The following KIAA1328 variants were observed in gnomAD, a reference collection of about 807,000 sequenced individuals.
KIAA1328 encodes protein hinderin.
In KIAA1328, 52 loss-of-function variants were observed where a neutral mutation model predicts 68.1. The ratio of observed to expected loss-of-function variants is 0.76; its 90% CI spans 0.61 to 0.96. The LOEUF (loss-of-function observed/expected upper bound fraction) is 0.96, where lower values mean the gene tolerates loss of function less well. Among genes scored for constraint, KIAA1328 ranks in the 40% least tolerant of loss-of-function variants. KIAA1328 has a pLI of 0.00. For missense variants in KIAA1328, 641 were observed against 677.6 expected (o/e 0.95, Z 0.60); for synonymous variants, 232 against 239.4 (o/e 0.97, Z 0.28).
intron 5 of KIAA1328, among the ~76,000 whole-genome samples, chr18:36,907,039 C>T (rs892193902): frequency 2.0e-5 from 3 of 152,052 alleles, no homozygotes; most frequent in Non-Finnish European, 4.4e-5. Context: ...CGTCTGTTGT[C>T]ATATTTTATC....
chr18:36,873,778 T>G (rs2048026303), intron 4 of KIAA1328, among the ~76,000 whole-genome samples: 1 of 152,208 alleles, frequency 6.6e-6, no homozygotes, highest in Non-Finnish European at 1.5e-5. Flanking sequence ...CGTGGTGGTT[T>G]GCTGCACCCA....
intron 9 of KIAA1328, among the ~76,000 whole-genome samples, chr18:37,179,125 A>G (rs573758930): frequency 2.5e-4 from 38 of 152,302 alleles, no homozygotes; most frequent in African/African-American, 8.7e-4. Flanking sequence ...TTGAGGCTAT[A>G]TCCAGGAAAG....
intron 6 of KIAA1328, 28 bp downstream of exon 6, chr18:36,959,463 GT>G (rs1568217194): frequency 1.9e-6 from 3 of 1,594,906 alleles, no homozygotes; most frequent in Non-Finnish European, 2.6e-6. Context: ...TACTTTTCTT[GT>G]CTTCAGTGGA....
At chr18:36,904,746 G>A (rs1349589232) in intron 5 of KIAA1328, among the ~76,000 whole-genome samples, 2 of 151,942 alleles carry the variant, frequency 1.3e-5, no homozygotes, top group Non-Finnish European at 2.9e-5. Flanking sequence ...TTAGGTTTGA[G>A]TTTGTTTTAG....
At chr18:36,865,389 T>A (rs1312033004) in intron 4 of KIAA1328, among the ~76,000 whole-genome samples, 1 of 152,204 alleles carries the variant, frequency 6.6e-6, no homozygotes, top group Non-Finnish European at 1.5e-5. Context: ...TACTGATTTC[T>A]AGCTTAGTTC....
intron 7 of KIAA1328, among the ~76,000 whole-genome samples, chr18:37,148,465 A>G (rs1599428887): frequency 6.6e-6 from 1 of 152,142 alleles, no homozygotes; most frequent in South Asian, 2.1e-4. Context: ...TTGTAATTCA[A>G]TGATTTGTAT....
chr18:36,969,398 A>G (rs556478434), intron 6 of KIAA1328, among the ~76,000 whole-genome samples: 1 of 152,276 alleles, frequency 6.6e-6, no homozygotes, highest in South Asian at 2.1e-4. Context: ...TAGGCAGACT[A>G]ATAAAGAAGA....
chr18:37,119,067 C>A (rs1599339558), intron 7 of KIAA1328, among the ~76,000 whole-genome samples: 1 of 152,128 alleles, frequency 6.6e-6, no homozygotes, highest in African/African-American at 2.4e-5. Flanking sequence ...TCTTTGAAGG[C>A]AGTTTCTTGA....
intron 5 of KIAA1328, among the ~76,000 whole-genome samples, chr18:36,893,459 G>GTT (rs1327245473): frequency 2.2e-4 from 29 of 133,124 alleles, no homozygotes; most frequent in Non-Finnish European, 3.7e-4. Flanking sequence ...GTGTGTGTGT[G>GTT]TGTTTTTGTG....
At chr18:37,213,633 A>G (rs2060363225) in intron 9 of KIAA1328, among the ~76,000 whole-genome samples, 1 of 152,146 alleles carries the variant, frequency 6.6e-6, no homozygotes, top group South Asian at 2.1e-4. Flanking sequence ...CTTTATAGTA[A>G]CATGATTTAT....
At chr18:37,027,757 TAA>T (rs1017696626) in intron 6 of KIAA1328, among the ~76,000 whole-genome samples, 26 of 152,134 alleles carry the variant, frequency 1.7e-4, no homozygotes, top group African/African-American at 5.8e-4. Context: ...CCTAAAACCA[TAA>T]AAACCCTAGA....
rs776886559 is a variant in KIAA1328 at position 36,885,660 on chromosome 18, A to G, written c.436A>G (p.Lys146Glu). The G allele has an allele frequency of 1.3e-6, 2 of 1,573,040 alleles. No individual in the cohort carries two copies. Among genetic ancestry groups the G allele is most frequent in the East Asian group, 4.6e-5 (2 of 43,808 alleles). Residue 146 changes from lysine (K) to glutamate (E), a missense_variant, in exon 5 of 10, where the codon AAA (lysine) becomes GAA (glutamate). Coordinates refer to ENST00000280020, the MANE Select transcript of KIAA1328 (RefSeq NM_020776.3). ...QLEEQNELII[K>E]EREALQLQYR... is the part of the protein sequence containing the mutation. ...GGAAGAACAGAATGAACTGATCATC[A>G]AAGAAAGGGAAGATATCCTTTTGAA...
chr18:36,963,337 T>C (rs1414885520), intron 6 of KIAA1328, among the ~76,000 whole-genome samples: 2 of 152,098 alleles, frequency 1.3e-5, no homozygotes, highest in Non-Finnish European at 2.9e-5. Context: ...CTGCATGACA[T>C]AGATGTGTGA....
At chr18:37,011,491 C>G (rs1411859350) in intron 6 of KIAA1328, among the ~76,000 whole-genome samples, 2 of 152,146 alleles carry the variant, frequency 1.3e-5, no homozygotes, top group Non-Finnish European at 2.9e-5. Flanking sequence ...TCATCCTAAT[C>G]CAAGTCTACT....
chr18:36,876,083 G>T (rs1262527674), intron 4 of KIAA1328, among the ~76,000 whole-genome samples: 1 of 152,074 alleles, frequency 6.6e-6, no homozygotes, highest in Non-Finnish European at 1.5e-5. Flanking sequence ...TTTTACTGAG[G>T]ATTTTCCCAT....
intron 6 of KIAA1328, among the ~76,000 whole-genome samples, chr18:37,022,093 A>G (rs1419282419): frequency 6.6e-6 from 1 of 151,408 alleles, no homozygotes; most frequent in Non-Finnish European, 1.5e-5. Flanking sequence ...TAAAACAAAC[A>G]AATTGAGGAA....
At chr18:36,882,533 G>A (rs547721717) in intron 4 of KIAA1328, among the ~76,000 whole-genome samples, 331 of 152,054 alleles carry the variant, frequency 2.2e-3, no homozygotes, top group Non-Finnish European at 3.8e-3. Context: ...TAGGCCTATC[G>A]AAAAAATGTT....
At chr18:37,115,492 C>G (rs1256221801) in intron 7 of KIAA1328, among the ~76,000 whole-genome samples, 2 of 152,106 alleles carry the variant, frequency 1.3e-5, no homozygotes, top group African/African-American at 4.8e-5. Flanking sequence ...TCTCAATAAG[C>G]TAGGTATTGA....
At chr18:37,119,057 T>C (rs987105504) in intron 7 of KIAA1328, among the ~76,000 whole-genome samples, 3 of 152,190 alleles carry the variant, frequency 2.0e-5, no homozygotes, top group African/African-American at 7.2e-5. Flanking sequence ...TATTTCATTT[T>C]CTTTGAAGGC....
Sources: gnomAD v4.1 joint callset for allele counts (sites outside exome capture counted in the v4.1 genomes callset) on GRCh38, gnomAD v4.1.1 for gene constraint, MANE v1.5 for transcripts, NCBI Gene and HGNC (gene_info 2026-07-23, HGNC 2026-07-21) for gene names.